The following ATP2B2 variants were observed in gnomAD, a reference collection of about 807,000 sequenced individuals.
The protein encoded by ATP2B2 is ATPase plasma membrane Ca2+ transporting 2, also known as plasma membrane calcium-transporting ATPase 2.
In ATP2B2, 15 loss-of-function variants were observed where a neutral mutation model predicts 120.0. That is an observed-to-expected ratio of 0.12 (90% CI 0.08 to 0.19). The LOEUF (loss-of-function observed/expected upper bound fraction) is 0.19. ATP2B2 is among the 10% of genes least tolerant of loss of function. The pLI is 1.00. For synonymous variants in ATP2B2, 694 were observed against 700.3 expected (o/e 0.99, Z 0.14); for missense variants, 1,045 against 1,719.8 (o/e 0.61, Z 6.94).
intron 1 of ATP2B2, among the ~76,000 whole-genome samples, chr3:10,685,641 G>A (rs375423745): frequency 4.6e-5 from 7 of 152,238 alleles, no homozygotes; most frequent in Non-Finnish European, 8.8e-5. Context: ...GTGCCATGTG[G>A]CTGCTTCCAC....
chr3:10,543,343 G>T (rs1037038661), intron 2 of ATP2B2, among the ~76,000 whole-genome samples: 1 of 152,130 alleles, frequency 6.6e-6, no homozygotes, highest in Non-Finnish European at 1.5e-5. Flanking sequence ...TAGTGTCAAA[G>T]AAAAGTATCT....
At position 10,358,743 on chromosome 3, in the gene ATP2B2, T is replaced by C. The variant is rs553746671; in HGVS notation, c.2084A>G (p.Asn695Ser). 12 of 1,614,214 alleles carry C rather than the reference T, an allele frequency of 7.4e-6. No homozygotes were observed. The African/African-American group carries it at 8.0e-5, about 11-fold the overall frequency. ...PDWDNENDIL[N>S]ELTCICVVGI... The stretch of plus-strand genomic sequence containing the variant: ...CACCACGCAGATGCAGGTGAGTTCG[T>C]TGAGGATGTCATTCTCATTGTCCCA... Residue 695 changes from asparagine (N) to serine (S), a missense_variant, in exon 14 of 23, where the codon AAC becomes AGC. By Grantham distance (46) the Asn-to-Ser change is conservative. Around this residue, in one of 11 missense-constraint regions of ATP2B2, gnomAD observed 343 missense variants for 536.8 expected, o/e 0.64. Coordinates refer to ENST00000360273, the MANE Select transcript of ATP2B2 (RefSeq NM_001001331.4).
At position 10,449,402 on chromosome 3, in the gene ATP2B2, C is replaced by T. The variant is rs2063952940; in HGVS notation, c.142G>A (p.Glu48Lys). Residue 48 changes from glutamate to lysine, a missense_variant, in exon 2 of 23, where the codon GAG becomes AAG. Transcript: ENST00000360273. ...RGTEAVVKIK[E>K]TYGDTEAICR... ...ATGGCTTCGGTGTCCCCATAAGTCTCCTTGATCTTGACCACAGCCTCAGTG... is the reference window on the plus strand; with the variant it reads ...ATGGCTTCGGTGTCCCCATAAGTCTTCTTGATCTTGACCACAGCCTCAGTG... 3 of 1,614,234 alleles carry T rather than the reference C, an allele frequency of 1.9e-6. No individual in the cohort carries two copies. The highest frequency in any genetic ancestry group is 2.5e-6 in the Non-Finnish European group (3 of 1,180,038).
intron 2 of ATP2B2, among the ~76,000 whole-genome samples, chr3:10,544,978 C>T (rs1299965713): frequency 6.6e-6 from 1 of 152,198 alleles, no homozygotes; most frequent in African/African-American, 2.4e-5. Flanking sequence ...CTGGAAACAA[C>T]CATATGCCCA....
chr3:10,360,233 G>C (rs2060858548), intron 12 of ATP2B2, 110 bp from the exon 13 acceptor site: 1 of 1,464,050 alleles, frequency 6.8e-7, no homozygotes, highest in African/African-American at 1.4e-5. Flanking sequence ...CTCTGGGCTG[G>C]GGGCTGAGCC....
rs547974513 is a variant in ATP2B2, at chr3:10,424,656, C to T, written c.200-13841G>A. On this transcript the variant is annotated intron_variant, in intron 2 of 22. Coordinates refer to ENST00000360273, the MANE Select transcript of ATP2B2 (RefSeq NM_001001331.4). ...AAAATGCATTTCTGTCTTTGGAAAG[C>T]GAGTGGGCTAAATAAACGGTGGTAC... Among the ~76,000 whole-genome samples the T allele has an allele frequency of 1.5e-4, 23 of 152,234 alleles. No homozygotes were observed. The East Asian group carries it at 2.7e-3, about 18-fold the overall frequency.
intron 2 of ATP2B2, among the ~76,000 whole-genome samples, chr3:10,419,365 T>C (rs2062894874): frequency 6.6e-6 from 1 of 152,256 alleles, no homozygotes; most frequent in Admixed American, 6.5e-5. Flanking sequence ...GTGGAAATAG[T>C]GCTTGGCATA....
intron 5 of ATP2B2, 31 bp from the exon 6 acceptor site, chr3:10,388,433 T>C: frequency 6.2e-7 from 1 of 1,613,936 alleles, no homozygotes; most frequent in Non-Finnish European, 8.5e-7. Context: ...CAAGTTACCA[T>C]TGCATGGTTG....
intron 5 of ATP2B2, among the ~76,000 whole-genome samples, chr3:10,392,022 T>C (rs899599895): frequency 1.3e-5 from 2 of 152,064 alleles, no homozygotes; most frequent in East Asian, 1.9e-4. Context: ...GCCCTTCTCC[T>C]TGGGTAGCCC....
rs577113096 is a variant in ATP2B2, at chr3:10,370,395, A to G, written c.1659+1414T>C. On this transcript the variant is annotated intron_variant, in intron 12 of 22. Transcript: ENST00000360273. ...TTTAGGAAGTCCTGGGGAGCAGAAT[A>G]AAGCATCGCTGATCTCCCTTGATTC... Among the ~76,000 whole-genome samples, 4 of 152,352 alleles carry G rather than the reference A, an allele frequency of 2.6e-5. No individual in the cohort carries two copies. The South Asian group carries it at 6.2e-4, about 24-fold the overall frequency.
At chr3:10,663,114 G>T (rs192887665) in intron 1 of ATP2B2, among the ~76,000 whole-genome samples, 46 of 103,870 alleles carry the variant, frequency 4.4e-4, no homozygotes, top group African/African-American at 1.6e-3. Context: ...AGGGGGGAGG[G>T]ATAGCATTAG....
intron 2 of ATP2B2, among the ~76,000 whole-genome samples, chr3:10,537,577 G>T (rs566301272): frequency 6.6e-6 from 1 of 152,120 alleles, no homozygotes; most frequent in East Asian, 1.9e-4. Context: ...CTTCTAGGAG[G>T]TTTGTGTTTT....
chr3:10,618,286 G>T (rs115511179), intron 2 of ATP2B2, among the ~76,000 whole-genome samples: 13 of 152,162 alleles, frequency 8.5e-5, no homozygotes, highest in Admixed American at 8.5e-4. Flanking sequence ...TAATCATTGC[G>T]TCTTGTTCTC....
At chr3:10,356,834 G>A (rs2060745913) in intron 14 of ATP2B2, among the ~76,000 whole-genome samples, 1 of 152,202 alleles carries the variant, frequency 6.6e-6, no homozygotes, top group Non-Finnish European at 1.5e-5. Flanking sequence ...TCCATGGAGA[G>A]AGAGGTTTGC....
chr3:10,413,366 C>T (rs971332992), intron 2 of ATP2B2, among the ~76,000 whole-genome samples: 1 of 152,214 alleles, frequency 6.6e-6, no homozygotes, highest in Non-Finnish European at 1.5e-5. Flanking sequence ...AGGGATGGCT[C>T]CCTCCCTAGG....
chr3:10,475,296 G>T (rs986630232), intron 1 of ATP2B2, among the ~76,000 whole-genome samples: 3 of 152,248 alleles, frequency 2.0e-5, no homozygotes, highest in African/African-American at 7.2e-5. Context: ...ACATGGGGGA[G>T]GTGGGGGACT....
intron 22 of ATP2B2, chr3:10,336,073 C>T (rs369843974): frequency 9.5e-5 from 146 of 1,529,584 alleles, no homozygotes; most frequent in East Asian, 3.0e-4. Flanking sequence ...AGCCCCTGCC[C>T]GCCTGGGAGC....
intron 1 of ATP2B2, among the ~76,000 whole-genome samples, chr3:10,652,875 A>G (rs1407927905): frequency 6.6e-6 from 1 of 152,182 alleles, no homozygotes; most frequent in Non-Finnish European, 1.5e-5. Flanking sequence ...TCCACTCATG[A>G]GGTATGTACA....
chr3:10,671,467 TCAGC>T (rs1481172795), intron 1 of ATP2B2, among the ~76,000 whole-genome samples: 6 of 152,120 alleles, frequency 3.9e-5, no homozygotes, highest in Non-Finnish European at 8.8e-5. Flanking sequence ...CGGCCCAGTT[TCAGC>T]CCCGAAATCC....
Sources: allele counts gnomAD v4.1 joint callset (sites outside exome capture counted in the v4.1 genomes callset), GRCh38; gene constraint gnomAD v4.1.1; regional missense constraint gnomAD v4.1.1; transcripts MANE v1.5; gene names NCBI Gene and HGNC (gene_info 2026-07-23, HGNC 2026-07-21).